The following MUC12 variants were observed in gnomAD, a reference collection of about 807,000 sequenced individuals.
The protein encoded by MUC12 is mucin-12.
MUC12 carries 172 observed loss-of-function variants against 230.8 expected under a neutral mutation model. That is an observed-to-expected ratio of 0.75 (90% CI 0.66 to 0.85). The LOEUF is 0.85. MUC12 is among the 40% of genes least tolerant of loss of function. The probability of loss-of-function intolerance (pLI) is 0.00; values close to 1 mark genes in which losing one functional copy is unlikely to be tolerated. For missense variants in MUC12, 3,506 were observed against 5,920.6 expected, an observed-to-expected ratio of 0.59 and a Z score of 13.38; for synonymous variants, 1,259 against 2,401.9, an observed-to-expected ratio of 0.52 and a Z score of 13.91.
At chr7:100,972,072 CG>C (rs1792913597) in intron 1 of MUC12, 1 of 684,348 alleles carries the variant, frequency 1.5e-6, no homozygotes, top group Admixed American at 2.0e-5. Context: ...CGGAGGGCTC[CG>C]GAAGATCTGA....
intron 1 of MUC12, among the ~76,000 whole-genome samples, chr7:100,973,792 T>A (rs1412789036): frequency 6.6e-6 from 1 of 152,082 alleles, no homozygotes; most frequent in African/African-American, 2.4e-5. Flanking sequence ...TAGTGGTTCA[T>A]GCCTATAATC....
At position 100,991,437 on chromosome 7, in the gene MUC12, T is replaced by C. The variant is rs772087573; in HGVS notation, c.874T>C (p.Ser292Pro). ...CTCAAAGGACACTTCGCCTGCACCT[T>C]CTGGTACCACATCAGCCTTTGTTAA... is the stretch of plus-strand genomic sequence containing the variant. ...PSSKDTSPAP[S>P]GTTSAFVKLS... is the part of the protein sequence containing the mutation. Residue 292 changes from serine (S) to proline (P), a missense_variant, in exon 2 of 12, where the codon TCT (serine) becomes CCT (proline). Ser to Pro is a moderately conservative substitution (Grantham distance 74). Transcript: ENST00000536621. 18 of 1,537,590 alleles carry C rather than the reference T, an allele frequency of 1.2e-5. No individual in the cohort carries two copies. The highest frequency in any genetic ancestry group is 2.7e-5 in the African/African-American group (2 of 72,990).
In MUC12 at chr7:100,986,999, C is replaced by T. The variant is rs1793199503; in HGVS notation, c.68-3632C>T. Among the ~76,000 whole-genome samples the T allele has an allele frequency of 2.0e-5, 3 of 151,586 alleles. No individual in the cohort carries two copies. The South Asian group carries it at 6.2e-4, about 32-fold the overall frequency. Reference sequence around the variant, plus strand: ...AAAATGGAATCCTACACGTACTGTCCCATGTTCTAAGTGGCACAGAGAAAA... The same window carrying T: ...AAAATGGAATCCTACACGTACTGTCTCATGTTCTAAGTGGCACAGAGAAAA... On this transcript the variant is annotated intron_variant, in intron 1 of 11. Coordinates refer to ENST00000536621, the MANE Select transcript of MUC12 (RefSeq NM_001164462.2).
At chr7:100,981,415 G>A (rs13244064) in intron 1 of MUC12, 17 of 633,482 alleles carry the variant, frequency 2.7e-5, no homozygotes, top group East Asian at 1.3e-4. Context: ...CCCAGGGGAC[G>A]ACGGGGATGG....
chr7:100,974,752 G>C (rs1435876427), intron 1 of MUC12, among the ~76,000 whole-genome samples: 1 of 152,312 alleles, frequency 6.6e-6, no homozygotes, highest in South Asian at 2.1e-4. Context: ...TTGAGCCCAG[G>C]AGGTCGAGAC....
chr7:101,013,776 A>T (rs1165286112), intron 8 of MUC12, 137 bp from the exon 9 acceptor site: 1 of 1,062,034 alleles, frequency 9.4e-7, no homozygotes, highest in Non-Finnish European at 1.3e-6. Flanking sequence ...TCAGGGACCC[A>T]GGCTCTCTGG....
rs1044017841 is a variant in MUC12, at chr7:101,006,377, A to G, written c.14957-94A>G. 5 of 807,390 alleles carry G rather than the reference A, an allele frequency of 6.2e-6. No homozygotes were observed. The African/African-American group carries it at 8.5e-5, about 14-fold the overall frequency. The allele number at this position is 807,390 out of a possible 1,614,324, so 50.0% of individuals were successfully genotyped here. On this transcript the variant is annotated intron_variant, in intron 2 of 11. Transcript: ENST00000536621. ...GTCATCTGGCATCGTCCTGCTCTCCAGTGCGATGCTGAGTGACTGGACCTG... is the reference window on the plus strand; with the variant it reads ...GTCATCTGGCATCGTCCTGCTCTCCGGTGCGATGCTGAGTGACTGGACCTG...
chr7:101,009,177 C>A lies in MUC12; in HGVS notation c.15251+18C>A. On this transcript the variant is annotated intron_variant, in intron 5 of 11. Transcript: ENST00000536621. ...AGATTGCTGTGAGTATATTGGGGGG[C>A]AGGTTTATAGATGTGGGGAAATCCT... 1 of 1,535,676 alleles carries A rather than the reference C, an allele frequency of 6.5e-7. No homozygotes were observed. The highest frequency in any genetic ancestry group is 1.7e-4 in the Middle Eastern group (1 of 5,990).
chr7:100,975,474 C>T (rs78692392), intron 1 of MUC12, among the ~76,000 whole-genome samples: 89 of 152,406 alleles, frequency 5.8e-4, no homozygotes, highest in African/African-American at 1.9e-3. Context: ...TAAAAATTGA[C>T]GCAATTACAA....
Position 100,991,128 on chromosome 7 carries a change from G to T in MUC12, c.565G>T (p.Val189Phe). The change falls in exon 2 of 12, where the codon GTC (valine) becomes TTC (phenylalanine). Residue 189 changes from valine to phenylalanine, a missense_variant. By Grantham distance (50) the Val-to-Phe change is conservative. Coordinates refer to ENST00000536621, the MANE Select transcript of MUC12 (RefSeq NM_001164462.2). ...AFPDSTTMPGVSQESTASHSI... is the reference protein window; with the variant it reads ...AFPDSTTMPGFSQESTASHSI... The stretch of plus-strand genomic sequence containing the variant: ...CCCTGACAGTACCACCATGCCAGGC[G>T]TCAGTCAGGAATCTACAGCTTCCCA... The T allele has an allele frequency of 6.5e-7, 1 of 1,537,626 alleles. No homozygotes were observed. The highest frequency in any genetic ancestry group is 1.2e-5 in the South Asian group (1 of 84,036).
rs1414599619 is a variant in MUC12 at position 100,979,069 on chromosome 7, C to T, written c.67+9380C>T. On this transcript the variant is annotated intron_variant, in intron 1 of 11. Coordinates refer to ENST00000536621, the MANE Select transcript of MUC12 (RefSeq NM_001164462.2). ...AAGCAAACCTCCTGCCTCAGCCTCC[C>T]AAAGTGCTGGGATTACAGGTGTGAG... 2.0e-5 allele frequency among the ~76,000 whole-genome samples: 3 copies of T among 152,178 alleles called. No individual in the cohort carries two copies. The East Asian group carries it at 5.8e-4, about 29-fold the overall frequency.
chr7:100,970,485 CAA>C (rs1157597160), intron 1 of MUC12, among the ~76,000 whole-genome samples: 1 of 61,024 alleles, frequency 1.6e-5, no homozygotes. Flanking sequence ...AAAACACTGC[CAA>C]AAAAAAAAAG....
In MUC12 at chr7:101,005,365, A is replaced by G; in HGVS notation, c.14802A>G (p.Thr4934=). ...CCTCAGACCTTGTTGGAGAACCTAC[A>G]ACTTTCTACATCAGCCCATCCCCTA... The part of the protein sequence containing the change: ...STASDLVGEP[T]TFYISPSPTY... Residue 4934 remains threonine (T), a synonymous_variant, in exon 2 of 12, where the codon ACA becomes ACG. Coordinates refer to ENST00000536621, the MANE Select transcript of MUC12 (RefSeq NM_001164462.2). 2 of 1,537,618 alleles carry G rather than the reference A, an allele frequency of 1.3e-6. No individual in the cohort carries two copies. The highest frequency in any genetic ancestry group is 8.7e-7 in the Non-Finnish European group (1 of 1,147,012).
In MUC12 at chr7:101,006,340, C is replaced by T. The variant is rs972730893; in HGVS notation, c.14957-131C>T. The T allele has an allele frequency of 1.8e-5, 12 of 654,938 alleles. No individual in the cohort carries two copies. In the African/African-American group the frequency reaches 2.1e-4, roughly 12 times the overall value. 40.6% of individuals were successfully genotyped at this position (654,938 alleles called of 1,614,324 possible). Reference sequence around the variant, plus strand: ...GCAGAGGTGGCAGCAGAGGCATCTTCATTGCTGTGCGGTCATCTGGCATCG... The same window carrying T: ...GCAGAGGTGGCAGCAGAGGCATCTTTATTGCTGTGCGGTCATCTGGCATCG... On this transcript the variant is annotated intron_variant, in intron 2 of 11. Transcript: ENST00000536621.
In MUC12 at chr7:101,004,982, A is replaced by C; in HGVS notation, c.14419A>C (p.Thr4807Pro). Residue 4807 changes from threonine to proline, a missense_variant, in exon 2 of 12, where the codon ACA becomes CCA. Coordinates refer to ENST00000536621, the MANE Select transcript of MUC12 (RefSeq NM_001164462.2). ...FHSKPGSTET[T>P]LSPGSITTSS... is the part of the protein sequence containing the mutation. ...CAGTAAGCCAGGCTCAACTGAGACA[A>C]CACTGTCCCCTGGCAGCATCACAAC... 6.5e-7 allele frequency: 1 copy of C among 1,537,784 alleles called. No homozygotes were observed. Among genetic ancestry groups the C allele is most frequent in the Non-Finnish European group, 8.7e-7 (1 of 1,147,042 alleles).
chr7:101,012,724 G>C, intron 6 of MUC12, 95 bp from the exon 7 acceptor site: 1 of 1,369,964 alleles, frequency 7.3e-7, no homozygotes, highest in Non-Finnish European at 1.0e-6. Context: ...TTGGCCCAGG[G>C]GAGGGCATGG....
At chr7:100,980,057 G>GT (rs1230669750) in intron 1 of MUC12, among the ~76,000 whole-genome samples, 2 of 149,418 alleles carry the variant, frequency 1.3e-5, no homozygotes, top group African/African-American at 2.5e-5. Flanking sequence ...TTGTTGTTTT[G>GT]TTTTTTAGAT....
chr7:100,986,990 C>T (rs928376700), intron 1 of MUC12, among the ~76,000 whole-genome samples: 4 of 151,650 alleles, frequency 2.6e-5, no homozygotes, highest in South Asian at 2.1e-4. Flanking sequence ...GAATCCTACA[C>T]GTACTGTCCC....
rs573203514 is a variant in MUC12 at position 100,992,138 on chromosome 7, C to G, written c.1575C>G (p.His525Gln). 3.4e-4 allele frequency: 518 copies of G among 1,537,882 alleles called. 2 individuals are homozygous for G. Among genetic ancestry groups the G allele is most frequent in the South Asian group, 1.9e-3 (163 of 84,046 alleles). ...TCAGTGAAGAATCCACCACCTCCCA[C>G]AGCCGACCAGGCTCAACACACACAA... ...SGVSEESTTS[H>Q]SRPGSTHTTA... is the part of the protein sequence containing the mutation. Residue 525 changes from histidine to glutamine, a missense_variant, in exon 2 of 12, where the codon CAC becomes CAG. Coordinates refer to ENST00000536621, the MANE Select transcript of MUC12 (RefSeq NM_001164462.2).
Sources: allele counts gnomAD v4.1 joint callset (sites outside exome capture counted in the v4.1 genomes callset), GRCh38; gene constraint gnomAD v4.1.1; transcripts MANE v1.5; gene names NCBI Gene and HGNC (gene_info 2026-07-23, HGNC 2026-07-21).